UGCG: variants seen among roughly 807,000 people sequenced by gnomAD.
UGCG encodes ceramide glucosyltransferase.
A neutral mutation model predicts 49.5 loss-of-function variants in UGCG; 10 were observed. That is an observed-to-expected ratio of 0.20 (90% CI 0.12 to 0.34). UGCG has a LOEUF of 0.34. Ranked by LOEUF, UGCG falls within the 10% of genes least tolerant of loss-of-function variation. UGCG has a pLI of 1.00. For synonymous variants in UGCG, 182 were observed against 158.2 expected, an observed-to-expected ratio of 1.15 and a Z score of -1.13; for missense variants, 312 against 483.7, an observed-to-expected ratio of 0.65 and a Z score of 3.33.
At chr9:111,905,836 G>A (rs1837872022) in intron 1 of UGCG, among the ~76,000 whole-genome samples, 1 of 152,178 alleles carries the variant, frequency 6.6e-6, no homozygotes, top group Non-Finnish European at 1.5e-5. Flanking sequence ...GAGAGCTTGT[G>A]TATTTACCTT....
intron 1 of UGCG, among the ~76,000 whole-genome samples, chr9:111,900,018 T>A (rs543255678): frequency 6.6e-6 from 1 of 152,222 alleles, no homozygotes; most frequent in Non-Finnish European, 1.5e-5. Context: ...ACATTCAGAT[T>A]AGAGACATTT....
chr9:111,919,688 G>A (rs763930562), intron 2 of UGCG, among the ~76,000 whole-genome samples: 7 of 150,352 alleles, frequency 4.7e-5, no homozygotes, highest in East Asian at 2.0e-4. Context: ...CCAGCTACTC[G>A]GGAGGCTGAG....
intron 5 of UGCG, among the ~76,000 whole-genome samples, chr9:111,928,871 G>C (rs937273171): frequency 5.9e-5 from 9 of 152,120 alleles, no homozygotes; most frequent in Non-Finnish European, 1.5e-5. Flanking sequence ...TATGACTTCA[G>C]AGTATATGCA....
At chr9:111,915,124 G>A in intron 2 of UGCG, 2 of 166,160 alleles carry the variant, frequency 1.2e-5, no homozygotes, top group South Asian at 1.6e-4. Context: ...ATGGGTTGCA[G>A]TACAGCCAGA....
At chr9:111,930,070 G>A (rs1838395798) in intron 6 of UGCG, among the ~76,000 whole-genome samples, 1 of 151,906 alleles carries the variant, frequency 6.6e-6, no homozygotes, top group African/African-American at 2.4e-5. Flanking sequence ...TGCCCACCTC[G>A]GCCTCCTAAA....
intron 3 of UGCG, 82 bp downstream of exon 3, chr9:111,923,033 G>T (rs1838254700): frequency 1.2e-6 from 1 of 860,874 alleles, no homozygotes; most frequent in African/African-American, 1.7e-5. Flanking sequence ...GAAGATTAAG[G>T]TGTTAGCCAT....
chr9:111,932,170 G>A lies in UGCG; in HGVS notation c.825G>A (p.Arg275=), dbSNP rs1564206907. The A allele has an allele frequency of 6.2e-7, 1 of 1,611,032 alleles. No homozygotes were observed. ...AAGAAAATCCTTTTTGTTTTTCCAG[G>A]TGGACCAAACTACGAATTAACATGC... ...SISQFQSRMI[R]WTKLRINMLP... is the part of the protein sequence containing the mutation. The change falls in exon 8 of 9, where the codon AGG becomes AGA. Residue 275 remains arginine, a splice_region_variant and synonymous_variant. Coordinates refer to ENST00000374279, the MANE Select transcript of UGCG (RefSeq NM_003358.3).
intron 5 of UGCG, among the ~76,000 whole-genome samples, chr9:111,928,897 C>T (rs6477862): frequency 6.6e-6 from 1 of 151,950 alleles, no homozygotes; most frequent in South Asian, 2.1e-4. Context: ...ATGGCAGTAG[C>T]GGATGAGAGA....
In UGCG at chr9:111,897,148, C is replaced by T. The variant is rs1031404387; in HGVS notation, c.-68C>T. 1.4e-6 allele frequency: 2 copies of T among 1,445,976 alleles called. No individual in the cohort carries two copies. The highest frequency in any genetic ancestry group is 2.5e-5 in the East Asian group (1 of 39,286). 89.6% of individuals were successfully genotyped at this position (1,445,976 alleles called of 1,614,324 possible). ...CCCCGCACCGGGCGCCCACCCTGTC[C>T]TCCTCCTGCGGGAGCGTTGTCCGTG... On this transcript the variant is annotated 5_prime_UTR_variant, in exon 1 of 9. Coordinates refer to ENST00000374279, the MANE Select transcript of UGCG (RefSeq NM_003358.3).
intron 1 of UGCG, among the ~76,000 whole-genome samples, chr9:111,905,651 A>G (rs1837868275): frequency 6.6e-6 from 1 of 151,736 alleles, no homozygotes; most frequent in South Asian, 2.1e-4. Context: ...ACGGGGTTTC[A>G]CCATATTGGT....
At chr9:111,925,626 G>T (rs1166789605) in intron 4 of UGCG, among the ~76,000 whole-genome samples, 1 of 152,198 alleles carries the variant, frequency 6.6e-6, no homozygotes, top group East Asian at 1.9e-4. Context: ...GACCTAGAAT[G>T]AGTATTTAAG....
At chr9:111,909,909 A>C (rs1837964466) in intron 1 of UGCG, among the ~76,000 whole-genome samples, 1 of 152,204 alleles carries the variant, frequency 6.6e-6, no homozygotes, top group Non-Finnish European at 1.5e-5. Context: ...AGAGAGAGAC[A>C]GGGACAGAGG....
At chr9:111,918,186 C>A (rs368069079) in intron 2 of UGCG, among the ~76,000 whole-genome samples, 11 of 151,958 alleles carry the variant, frequency 7.2e-5, no homozygotes, top group African/African-American at 2.4e-4. Flanking sequence ...GGATTACAGG[C>A]GCATGCCACT....
At chr9:111,927,552 C>T (rs184945198) in intron 5 of UGCG, among the ~76,000 whole-genome samples, 60 of 151,894 alleles carry the variant, frequency 4.0e-4, no homozygotes, top group African/African-American at 1.2e-3. Context: ...CCCGGGTTCA[C>T]GCCATTCTCC....
chr9:111,932,030 A>AC lies in UGCG; in HGVS notation c.825-140_825-139insC, dbSNP rs1838434682. 5 of 935,126 alleles carry AC rather than the reference A, an allele frequency of 5.3e-6. No homozygotes were observed. The East Asian group carries it at 7.9e-5, about 15-fold the overall frequency. The allele number at this position is 935,126 out of a possible 1,614,324, so 57.9% of individuals were successfully genotyped here. A position where few individuals can be genotyped will look rare whatever the true frequency, so the allele number is the denominator to read the frequency against. On this transcript the variant is annotated intron_variant, in intron 7 of 8. Coordinates refer to ENST00000374279, the MANE Select transcript of UGCG (RefSeq NM_003358.3). The stretch of plus-strand genomic sequence containing the variant: ...GCAGAACCCCGTCTCAAGTAAAAAA[A>AC]AAAAAACAAAACAAAAAAAGTTTAA...
intron 1 of UGCG, among the ~76,000 whole-genome samples, chr9:111,899,496 CT>C (rs1837728716): frequency 6.6e-6 from 1 of 152,166 alleles, no homozygotes; most frequent in African/African-American, 2.4e-5. Context: ...CTGAATTCAT[CT>C]TTCTGATATA....
At chr9:111,911,989 C>CAT (rs1280927945) in intron 1 of UGCG, among the ~76,000 whole-genome samples, 3 of 76,778 alleles carry the variant, frequency 3.9e-5, no homozygotes, top group African/African-American at 9.8e-5. Flanking sequence ...CAACAGGATA[C>CAT]ATATATATAT....
rs77712240 is a variant in UGCG, at chr9:111,932,906, T to G, written c.1094T>G (p.Leu365Trp). 1 of 1,613,252 alleles carries G rather than the reference T, an allele frequency of 6.2e-7. No individual in the cohort carries two copies. The highest frequency in any genetic ancestry group is 1.1e-5 in the South Asian group (1 of 90,924). Residue 365 changes from leucine (L) to tryptophan (W), a missense_variant, in exon 9 of 9, where the codon TTG becomes TGG. Coordinates refer to ENST00000374279, the MANE Select transcript of UGCG (RefSeq NM_003358.3). ...IRESMTIYIFLSALWDPTISW... is the reference protein window; with the variant it reads ...IRESMTIYIFWSALWDPTISW... ...GAATCCATGACAATATACATTTTTT[T>G]GTCTGCATTATGGGACCCAACTATA... is the stretch of plus-strand genomic sequence containing the variant.
intron 1 of UGCG, among the ~76,000 whole-genome samples, chr9:111,905,034 G>A (rs1467838899): frequency 6.6e-6 from 1 of 152,152 alleles, no homozygotes; most frequent in Non-Finnish European, 1.5e-5. Flanking sequence ...ACTCCAACCT[G>A]GGTGACAGAG....
Sources: gnomAD v4.1 joint callset for allele counts (sites outside exome capture counted in the v4.1 genomes callset) on GRCh38, gnomAD v4.1.1 for gene constraint, MANE v1.5 for transcripts, NCBI Gene and HGNC (gene_info 2026-07-23, HGNC 2026-07-21) for gene names.